ABI3BP: variants seen among roughly 807,000 people sequenced by gnomAD.
ABI3BP encodes the protein target of Nesh-SH3.
A neutral mutation model predicts 268.6 loss-of-function variants in ABI3BP; 216 were observed. The observed-to-expected ratio is 0.80, with a 90% CI of 0.72 to 0.90. The LOEUF is 0.90. Among genes scored for constraint, ABI3BP ranks in the 40% least tolerant of loss-of-function variants. ABI3BP has a pLI of 0.00. For synonymous variants in ABI3BP, 730 were observed against 730.0 expected (o/e 1.00, Z 0.00); for missense variants, 2,090 against 2,182.4 (o/e 0.96, Z 0.84).
intron 33 of ABI3BP, among the ~76,000 whole-genome samples, chr3:100,828,677 C>T (rs1050794022): frequency 6.6e-6 from 1 of 152,044 alleles, no homozygotes. Flanking sequence ...ATTCAGATAA[C>T]GGTCCATGTG....
chr3:100,851,999 AT>A, intron 14 of ABI3BP, 59 bp from the exon 15 acceptor site: 2 of 1,384,698 alleles, frequency 1.4e-6, no homozygotes, highest in Non-Finnish European at 2.0e-6. Flanking sequence ...AATTTGATTA[AT>A]TTAGAAAGAT....
At chr3:100,955,766 G>A (rs888833867) in intron 1 of ABI3BP, among the ~76,000 whole-genome samples, 4 of 152,172 alleles carry the variant, frequency 2.6e-5, no homozygotes, top group Admixed American at 6.5e-5. Context: ...TGAGCACCTA[G>A]AATATGCAAA....
chr3:100,899,025 T>TATAGTCCA, intron 3 of ABI3BP, 131 bp from the exon 4 acceptor site: 1 of 1,003,134 alleles, frequency 1.0e-6, no homozygotes, highest in Non-Finnish European at 1.5e-6. Flanking sequence ...TTTCCTTTTC[T>TATAGTCCA]ATAGTCCACA....
intron 61 of ABI3BP, 126 bp downstream of exon 61, chr3:100,774,479 A>G: frequency 2.8e-6 from 2 of 703,860 alleles, no homozygotes; most frequent in Admixed American, 7.0e-5. Flanking sequence ...GACACCCATG[A>G]AAAATAAAAC....
At chr3:100,760,982 A>T (rs2095907388) in intron 63 of ABI3BP, among the ~76,000 whole-genome samples, 2 of 152,122 alleles carry the variant, frequency 1.3e-5, no homozygotes, top group Admixed American at 6.5e-5. Context: ...TTTGTCACTC[A>T]GATACAAAGC....
At chr3:100,921,355 C>T (rs971193701) in intron 2 of ABI3BP, among the ~76,000 whole-genome samples, 1 of 152,122 alleles carries the variant, frequency 6.6e-6, no homozygotes, top group Non-Finnish European at 1.5e-5. Context: ...AAAGTGTTTT[C>T]GGATGTCAAC....
intron 57 of ABI3BP, among the ~76,000 whole-genome samples, chr3:100,781,983 C>T (rs1287175791): frequency 6.6e-6 from 1 of 152,202 alleles, no homozygotes; most frequent in African/African-American, 2.4e-5. Context: ...ATCTCTTCAG[C>T]ACTAAGATGC....
At chr3:100,841,069 G>A (rs1009137763) in intron 21 of ABI3BP, among the ~76,000 whole-genome samples, 7 of 152,080 alleles carry the variant, frequency 4.6e-5, no homozygotes, top group Non-Finnish European at 1.0e-4. Context: ...AGTCAGTTAA[G>A]TTTGGAAAGA....
intron 1 of ABI3BP, among the ~76,000 whole-genome samples, chr3:100,954,439 A>G (rs1174418464): frequency 1.3e-5 from 2 of 152,176 alleles, no homozygotes; most frequent in Non-Finnish European, 2.9e-5. Flanking sequence ...TTTAAGGCTT[A>G]TTTTCACGTA....
At chr3:100,841,033 G>A (rs1425511546) in intron 21 of ABI3BP, among the ~76,000 whole-genome samples, 175 bp from the exon 22 acceptor site, 1 of 151,790 alleles carries the variant, frequency 6.6e-6, no homozygotes, top group African/African-American at 2.4e-5. Flanking sequence ...CTGTGTTTTC[G>A]ACAAAGCGAA....
At position 100,894,878 on chromosome 3, in the gene ABI3BP, A is replaced by G. The variant is rs549832571; in HGVS notation, c.461+3884T>C. Among the ~76,000 whole-genome samples, 224 of 138,926 alleles carry G rather than the reference A, an allele frequency of 1.6e-3. No homozygotes were observed. The South Asian group carries it at 0.018, about 11-fold the overall frequency. The allele number at this position is 138,926 out of a possible 152,430, so 91.1% of individuals were successfully genotyped here. On this transcript the variant is annotated intron_variant, in intron 4 of 67. Transcript: ENST00000471714. ...GGCGTGAACCCGGCAGGCGGAGCTT[A>G]CAGTGAGCCGAGATCGCGCCTCTGC...
chr3:100,860,534 T>G (rs1482176035), intron 14 of ABI3BP, among the ~76,000 whole-genome samples: 1 of 152,340 alleles, frequency 6.6e-6, no homozygotes, highest in South Asian at 2.1e-4. Context: ...ACCTTTCCTT[T>G]ATTGGCATTT....
chr3:100,866,225 C>G (rs1166610626), intron 10 of ABI3BP, among the ~76,000 whole-genome samples: 1 of 152,118 alleles, frequency 6.6e-6, no homozygotes, highest in Non-Finnish European at 1.5e-5. Context: ...TCATCAGGTC[C>G]TGGATAAGGT....
intron 59 of ABI3BP, among the ~76,000 whole-genome samples, chr3:100,776,145 T>C (rs575933483): frequency 6.6e-6 from 1 of 152,166 alleles, no homozygotes; most frequent in Non-Finnish European, 1.5e-5. Context: ...CAAGTCTGGG[T>C]GTTTGGAGTC....
intron 1 of ABI3BP, among the ~76,000 whole-genome samples, chr3:100,985,098 C>T (rs925438212): frequency 1.3e-5 from 2 of 151,266 alleles, no homozygotes; most frequent in African/African-American, 2.4e-5. Flanking sequence ...ACAGTAACTT[C>T]CATTTACTCT....
At chr3:100,830,918 G>C (rs1485227415) in intron 31 of ABI3BP, among the ~76,000 whole-genome samples, 1 of 152,062 alleles carries the variant, frequency 6.6e-6, no homozygotes, top group East Asian at 1.9e-4. Flanking sequence ...TGATTCGAAT[G>C]AACACTAGAA....
intron 2 of ABI3BP, 43 bp from the exon 3 acceptor site, chr3:100,902,729 C>T: frequency 6.4e-7 from 1 of 1,558,534 alleles, no homozygotes; most frequent in Non-Finnish European, 8.8e-7. Context: ...CCTTTGAGAA[C>T]CAGCATTGGA....
intron 59 of ABI3BP, 147 bp from the exon 60 acceptor site, chr3:100,775,482 C>T: frequency 1.9e-6 from 2 of 1,059,740 alleles, no homozygotes; most frequent in Non-Finnish European, 2.7e-6. Flanking sequence ...AGACCTGATT[C>T]TTGGTGGAGA....
At chr3:100,942,542 C>T (rs2069896975) in intron 1 of ABI3BP, among the ~76,000 whole-genome samples, 1 of 152,076 alleles carries the variant, frequency 6.6e-6, no homozygotes, top group African/African-American at 2.4e-5. Flanking sequence ...TAACAAGACT[C>T]ATTTCCCTTC....
Sources: allele counts gnomAD v4.1 joint callset (sites outside exome capture counted in the v4.1 genomes callset), GRCh38; gene constraint gnomAD v4.1.1; transcripts MANE v1.5; gene names NCBI Gene and HGNC (gene_info 2026-07-23, HGNC 2026-07-21).